Variants in PRKX observed in about 807,000 individuals in gnomAD.
PRKX encodes the protein protein kinase cAMP-dependent X-linked catalytic subunit.
PRKX carries 12 observed loss-of-function variants against 22.0 expected under a neutral mutation model. The ratio of observed to expected loss-of-function variants is 0.54; its 90% confidence interval spans 0.35 to 0.88. The LOEUF is 0.88. PRKX is among the 40% of genes least tolerant of loss of function. The probability of loss-of-function intolerance (pLI) is 0.01; values close to 1 mark genes in which losing one functional copy is unlikely to be tolerated. For missense variants in PRKX, 217 were observed against 308.0 expected (o/e 0.70, Z 2.21); for synonymous variants, 134 against 137.7 (o/e 0.97, Z 0.19).
Position 3,612,308 on chromosome X carries a change from C to G in PRKX, c.969G>C (p.Lys323Asn). 9 of 1,210,326 alleles carry G rather than the reference C, an allele frequency of 7.4e-6. No individual in the cohort carries two copies. The African/African-American group carries it at 1.4e-4, about 19-fold the overall frequency. ...TGGAAGTGTCGCCGTCACCAGCTAT[C>G]TTGGGCACGATGGGAGGCTGTGAGA... ...QRKLKPPIVP[K>N]IAGDGDTSNF... Residue 323 changes from lysine to asparagine, a missense_variant, in exon 8 of 9, where the codon AAG becomes AAC. Coordinates refer to ENST00000262848, the MANE Select transcript of PRKX (RefSeq NM_005044.5).
At chrX:3,661,487 G>A (rs1288710246) in intron 2 of PRKX, among the ~76,000 whole-genome samples, 1 of 110,030 alleles carries the variant, frequency 9.1e-6, no homozygotes, top group Non-Finnish European at 1.9e-5. Flanking sequence ...CAGGCCTGTA[G>A]TCCCAGGTAC....
intron 1 of PRKX, among the ~76,000 whole-genome samples, chrX:3,699,332 C>T (rs767678907): frequency 7.4e-4 from 81 of 109,795 alleles, no homozygotes; most frequent in Non-Finnish European, 1.4e-3. Context: ...CCACCGTGCC[C>T]GGCATTTTTT....
At chrX:3,687,185 A>C (rs1377657142) in intron 1 of PRKX, among the ~76,000 whole-genome samples, 1 of 109,995 alleles carries the variant, frequency 9.1e-6, no homozygotes, top group Non-Finnish European at 1.9e-5. Flanking sequence ...ATGTCTGGCT[A>C]ATTTTGTTTT....
At chrX:3,689,760 A>G (rs12392004) in intron 1 of PRKX, among the ~76,000 whole-genome samples, 4,458 of 111,679 alleles carry the variant, frequency 0.04, 73 homozygotes, top group East Asian at 0.076. Context: ...GGCGGATCAC[A>G]AGGTCAGGAG....
intron 2 of PRKX, among the ~76,000 whole-genome samples, chrX:3,671,753 C>T (rs888057664): frequency 1.8e-5 from 2 of 110,894 alleles, no homozygotes; most frequent in Admixed American, 9.7e-5. Context: ...GTTGGGAGGC[C>T]GAGGTGGGAA....
chrX:3,670,736 G>C (rs1246819882), intron 2 of PRKX, among the ~76,000 whole-genome samples: 1 of 110,927 alleles, frequency 9.0e-6, no homozygotes, highest in East Asian at 2.9e-4. Context: ...GTAGAGACAG[G>C]GTCTTGCCAT....
intron 3 of PRKX, among the ~76,000 whole-genome samples, chrX:3,647,719 C>T (rs1927219087): frequency 9.2e-6 from 1 of 108,887 alleles, no homozygotes; most frequent in South Asian, 3.9e-4. Flanking sequence ...TGGTAAAATA[C>T]ACACAGCATA....
intron 8 of PRKX, among the ~76,000 whole-genome samples, chrX:3,610,465 G>A (rs374943808): frequency 6.4e-4 from 71 of 111,043 alleles, no homozygotes; most frequent in African/African-American, 2.3e-3. Flanking sequence ...CTGGGCAACC[G>A]AGCGAGACTC....
At chrX:3,612,021 T>G in intron 8 of PRKX, among the ~76,000 whole-genome samples, 156 bp downstream of exon 8, 1 of 111,220 alleles carries the variant, frequency 9.0e-6, no homozygotes, top group Non-Finnish European at 1.9e-5. Context: ...ATGGCTGTGT[T>G]TATTTCGCTG....
intron 1 of PRKX, among the ~76,000 whole-genome samples, chrX:3,688,644 CTT>C (rs1181689076): frequency 1.8e-5 from 2 of 110,416 alleles, no homozygotes; most frequent in African/African-American, 6.6e-5. Flanking sequence ...AGAAGGATCA[CTT>C]GAGCCCAGGA....
chrX:3,652,278 C>T (rs1157804159), intron 3 of PRKX, among the ~76,000 whole-genome samples: 1 of 110,734 alleles, frequency 9.0e-6, no homozygotes, highest in African/African-American at 3.3e-5. Context: ...ATTAGCCGGG[C>T]GTGGTGGCGG....
rs370495953 is a variant in PRKX at position 3,695,562 on chromosome X, C to T, written c.166+17526G>A. Among the ~76,000 whole-genome samples the T allele has an allele frequency of 3.6e-5, 4 of 111,175 alleles. No homozygotes were observed. The East Asian group carries it at 1.1e-3, about 32-fold the overall frequency. On this transcript the variant is annotated intron_variant, in intron 1 of 8. Transcript: ENST00000262848. ...TGAGTAGCTGGGACTAAGGTGTGTG[C>T]CACCACACTCAGCTAATTTTTGTAT... is the stretch of plus-strand genomic sequence containing the variant.
At chrX:3,706,632 T>C (rs1928691235) in intron 1 of PRKX, among the ~76,000 whole-genome samples, 1 of 112,238 alleles carries the variant, frequency 8.9e-6, no homozygotes, top group Admixed American at 9.5e-5. Flanking sequence ...CAAGTATGTC[T>C]CTTCCTGGTG....
At chrX:3,630,396 C>T (rs7884408) in intron 4 of PRKX, among the ~76,000 whole-genome samples, 43,778 of 109,320 alleles carry the variant, frequency 0.4, 6,465 homozygotes, top group Admixed American at 0.43. Flanking sequence ...CTGTCTCTAC[C>T]AAAAATACAA....
At chrX:3,642,344 C>T (rs1300053604) in intron 3 of PRKX, among the ~76,000 whole-genome samples, 1 of 110,694 alleles carries the variant, frequency 9.0e-6, no homozygotes, top group East Asian at 2.8e-4. Context: ...ATGTCCTCTG[C>T]AGCAACATGG....
chrX:3,641,017 C>T, intron 4 of PRKX, among the ~76,000 whole-genome samples: 1 of 111,741 alleles, frequency 8.9e-6, no homozygotes, highest in South Asian at 3.8e-4. Context: ...AGGAATTGCC[C>T]ACCACTTTCC....
chrX:3,619,096 A>G (rs1569040742), intron 6 of PRKX, among the ~76,000 whole-genome samples: 1 of 112,622 alleles, frequency 8.9e-6, no homozygotes, highest in East Asian at 2.8e-4. Context: ...TGTGAATATC[A>G]CTTTATTTGG....
chrX:3,684,839 T>TA (rs1331956440), intron 1 of PRKX, among the ~76,000 whole-genome samples: 1 of 111,534 alleles, frequency 9.0e-6, no homozygotes, highest in African/African-American at 3.3e-5. Context: ...CTTTGTGAGA[T>TA]AGAGTCCTGC....
Position 3,688,257 on chromosome X carries a change from C to G in PRKX, c.167-13491G>C, listed in dbSNP as rs756185548. ...GGCCAAGAGTTCGAGACCAGCCCAG[C>G]CAACATGGTGAAACCCCATCTCTAC... On this transcript the variant is annotated intron_variant, in intron 1 of 8. Coordinates refer to ENST00000262848, the MANE Select transcript of PRKX (RefSeq NM_005044.5). Among the ~76,000 whole-genome samples, 691 of 88,578 alleles carry G rather than the reference C, an allele frequency of 7.8e-3. 20 individuals carry two copies. Among genetic ancestry groups the G allele is most frequent in the East Asian group, 0.052 (97 of 1,864 alleles). 76.9% of individuals were successfully genotyped at this position (88,578 alleles called of 115,157 possible).
Sources: allele counts gnomAD v4.1 joint callset (sites outside exome capture counted in the v4.1 genomes callset), GRCh38; gene constraint gnomAD v4.1.1; transcripts MANE v1.5; gene names NCBI Gene and HGNC (gene_info 2026-07-23, HGNC 2026-07-21).